PTPRM: variants seen among roughly 807,000 people sequenced by gnomAD.
The protein encoded by PTPRM is receptor-type tyrosine-protein phosphatase mu.
A neutral mutation model predicts 186.7 loss-of-function variants in PTPRM; 47 were observed. That is an observed-to-expected ratio of 0.25 (90% confidence interval 0.20 to 0.32). PTPRM has a LOEUF of 0.32. Among genes scored for constraint, PTPRM ranks in the 10% least tolerant of loss-of-function variants. The pLI is 1.00. For synonymous variants in PTPRM, 668 were observed against 674.9 expected, an observed-to-expected ratio of 0.99 and a Z score of 0.16; for missense variants, 1,494 against 1,865.0, an observed-to-expected ratio of 0.80 and a Z score of 3.66.
chr18:7,680,007 C>T (rs76326216), intron 1 of PTPRM, among the ~76,000 whole-genome samples: 3,017 of 152,098 alleles, frequency 0.02, 91 homozygotes, highest in African/African-American at 0.067. Flanking sequence ...CTGTGACCAC[C>T]GGTAAGTGCC....
chr18:7,568,257 T>C lies in PTPRM; in HGVS notation c.73+366T>C, dbSNP rs1397830886. ...AGAAAACTTTGCTTGAAGTTCCCAG[T>C]TGCAGCCGCCGGGCCGCCTGGCGTA... On this transcript the variant is annotated intron_variant, in intron 1 of 32. Transcript: ENST00000580170. This position sits in a 1 kb window ranked among gnomAD's most constrained non-coding sequence, Gnocchi z 5.1. Among the ~76,000 whole-genome samples, 3 of 151,692 alleles carry C rather than the reference T, an allele frequency of 2.0e-5. No individual in the cohort carries two copies. Among genetic ancestry groups the C allele is most frequent in the African/African-American group, 7.3e-5 (3 of 41,368 alleles).
At chr18:7,573,597 T>C (rs1202083563) in intron 1 of PTPRM, among the ~76,000 whole-genome samples, 2 of 151,920 alleles carry the variant, frequency 1.3e-5, no homozygotes, top group Non-Finnish European at 2.9e-5. Context: ...TGTTTTGTTT[T>C]GTTTTTTTTG....
intron 1 of PTPRM, chr18:7,754,685 T>G (rs989041318): frequency 6.6e-6 from 1 of 152,228 alleles, no homozygotes; most frequent in African/African-American, 2.4e-5. Flanking sequence ...TTTCATGGTC[T>G]GTTCTCTCAA....
rs539302987 is a variant in PTPRM at position 8,326,283 on chromosome 18, G to A, written c.2956+7069G>A. ...ACAAAACACTGCCCAAAGAAATCAG[G>A]GATGATACAAACAGTGAAAAAATAT... On this transcript the variant is annotated intron_variant, in intron 22 of 32. Coordinates refer to ENST00000580170, the MANE Select transcript of PTPRM (RefSeq NM_001105244.2). 7.2e-5 allele frequency among the ~76,000 whole-genome samples: 11 copies of A among 152,152 alleles called. No individual in the cohort carries two copies. In the South Asian group the frequency reaches 2.3e-3, roughly 32 times the overall value.
intron 1 of PTPRM, among the ~76,000 whole-genome samples, chr18:7,679,302 A>G (rs1304225881): frequency 6.6e-6 from 1 of 152,270 alleles, no homozygotes; most frequent in African/African-American, 2.4e-5. Context: ...TATCTAGGGC[A>G]TTTCACATGT....
chr18:8,406,286 T>A lies in PTPRM; in HGVS notation c.*124T>A. Reference sequence around the variant, plus strand: ...TTTTGCTTTGCATAATTGGCTCTTTTTAAGAGCCCAAGAAAGTGTTTCTAA... The same window carrying A: ...TTTTGCTTTGCATAATTGGCTCTTTATAAGAGCCCAAGAAAGTGTTTCTAA... On this transcript the variant is annotated 3_prime_UTR_variant, in exon 33 of 33. Transcript: ENST00000580170. The A allele has an allele frequency of 1.1e-6, 1 of 893,712 alleles. No individual in the cohort carries two copies. Among genetic ancestry groups the A allele is most frequent in the Non-Finnish European group, 1.7e-6 (1 of 576,162 alleles). 55.4% of individuals were successfully genotyped at this position (893,712 alleles called of 1,614,324 possible).
At chr18:8,276,538 A>G (rs1016186405) in intron 19 of PTPRM, among the ~76,000 whole-genome samples, 2 of 152,322 alleles carry the variant, frequency 1.3e-5, no homozygotes, top group African/African-American at 4.8e-5. Flanking sequence ...GTTATTGACC[A>G]TCAACTGTGG....
At chr18:8,151,649 A>T (rs1205182958) in intron 14 of PTPRM, among the ~76,000 whole-genome samples, 2 of 149,922 alleles carry the variant, frequency 1.3e-5, no homozygotes. Flanking sequence ...CAGAGGAGTG[A>T]ATGATTCTGT....
At chr18:7,724,075 C>T (rs993025912) in intron 1 of PTPRM, among the ~76,000 whole-genome samples, 1 of 145,542 alleles carries the variant, frequency 6.9e-6, no homozygotes, top group East Asian at 2.0e-4. Context: ...TAGTAATTTC[C>T]TTTTTTTTTT....
intron 32 of PTPRM, among the ~76,000 whole-genome samples, chr18:8,397,032 G>A (rs901775608): frequency 2.0e-5 from 3 of 152,256 alleles, no homozygotes; most frequent in African/African-American, 7.2e-5. Context: ...TGAGGCCTGA[G>A]TGTGTCCTAA....
intron 2 of PTPRM, among the ~76,000 whole-genome samples, chr18:7,790,457 A>G (rs1354991847): frequency 4.6e-5 from 7 of 152,186 alleles, no homozygotes; most frequent in African/African-American, 1.7e-4. Context: ...TGGGATCAGC[A>G]TAGCGGCTAG....
At chr18:8,005,722 C>T (rs1302431835) in intron 7 of PTPRM, among the ~76,000 whole-genome samples, 1 of 152,140 alleles carries the variant, frequency 6.6e-6, no homozygotes, top group Non-Finnish European at 1.5e-5. Flanking sequence ...CAGGGCTGCT[C>T]ACTCTCTTCC....
intron 29 of PTPRM, among the ~76,000 whole-genome samples, chr18:8,383,539 G>A (rs550132932): frequency 1.9e-4 from 29 of 152,142 alleles, no homozygotes; most frequent in African/African-American, 6.0e-4. Context: ...ACCATGCCCA[G>A]CACCACTCCT....
chr18:7,640,555 C>T (rs2038420765), intron 1 of PTPRM, among the ~76,000 whole-genome samples: 1 of 151,932 alleles, frequency 6.6e-6, no homozygotes, highest in African/African-American at 2.4e-5. Context: ...GTGCAGCAGC[C>T]AATTGGTGTG....
chr18:7,790,637 A>G (rs1447461093), intron 2 of PTPRM, among the ~76,000 whole-genome samples: 1 of 152,224 alleles, frequency 6.6e-6, no homozygotes, highest in Non-Finnish European at 1.5e-5. Flanking sequence ...TCTCTCTAAG[A>G]CTTATCTTTG....
intron 22 of PTPRM, among the ~76,000 whole-genome samples, chr18:8,319,569 G>C (rs930736260): frequency 6.6e-6 from 1 of 152,194 alleles, no homozygotes; most frequent in Non-Finnish European, 1.5e-5. Flanking sequence ...GGAGAGCTAG[G>C]CTGAATCCAG....
At chr18:7,712,150 C>G (rs963456751) in intron 1 of PTPRM, among the ~76,000 whole-genome samples, 1 of 152,174 alleles carries the variant, frequency 6.6e-6, no homozygotes, top group Non-Finnish European at 1.5e-5. Flanking sequence ...TGGGACAAAG[C>G]TTCCAGAGGA....
At chr18:8,215,514 T>C (rs1182242743) in intron 14 of PTPRM, among the ~76,000 whole-genome samples, 1 of 151,380 alleles carries the variant, frequency 6.6e-6, no homozygotes, top group Non-Finnish European at 1.5e-5. Flanking sequence ...AAGTCCTACC[T>C]AGTGCTTTTT....
intron 7 of PTPRM, among the ~76,000 whole-genome samples, chr18:7,975,558 A>G (rs560203445): frequency 6.6e-6 from 1 of 152,364 alleles, no homozygotes; most frequent in South Asian, 2.1e-4. Context: ...ACAGTCTTTC[A>G]GTCTATGAGG....
Sources: allele counts gnomAD v4.1 joint callset (sites outside exome capture counted in the v4.1 genomes callset), GRCh38; gene constraint gnomAD v4.1.1; non-coding constraint Gnocchi (gnomAD v3.1); transcripts MANE v1.5; gene names NCBI Gene and HGNC (gene_info 2026-07-23, HGNC 2026-07-21).